Variants in RBFOX1 observed in about 807,000 individuals in gnomAD.
The protein encoded by RBFOX1 is RNA binding fox-1 homolog 1.
RBFOX1 carries 8 observed loss-of-function variants against 57.7 expected under a neutral mutation model. The ratio of observed to expected loss-of-function variants is 0.14; its 90% CI spans 0.08 to 0.25. The LOEUF (loss-of-function observed/expected upper bound fraction) is 0.25, where lower values mean the gene tolerates loss of function less well. RBFOX1 is among the 10% of genes least tolerant of loss of function. The probability of loss-of-function intolerance (pLI) is 1.00; values close to 1 mark genes in which losing one functional copy is unlikely to be tolerated. For synonymous variants in RBFOX1, 326 were observed against 222.4 expected, an observed-to-expected ratio of 1.47 and a Z score of -4.15; for missense variants, 611 against 548.5, an observed-to-expected ratio of 1.11 and a Z score of -1.14.
chr16:7,348,582 A>T (rs2097064091), intron 4 of RBFOX1, among the ~76,000 whole-genome samples: 1 of 152,214 alleles, frequency 6.6e-6, no homozygotes, highest in African/African-American at 2.4e-5. Context: ...ACATTACTTT[A>T]GTCAGTTGGG....
At chr16:6,066,973 G>C (rs1474228711) in intron 1 of RBFOX1, among the ~76,000 whole-genome samples, 1 of 152,134 alleles carries the variant, frequency 6.6e-6, no homozygotes, top group Non-Finnish European at 1.5e-5. Flanking sequence ...GGGCGGGGGA[G>C]GGCGGCAGGG....
At chr16:6,698,378 A>T (rs892810864) in intron 3 of RBFOX1, among the ~76,000 whole-genome samples, 1 of 152,136 alleles carries the variant, frequency 6.6e-6, no homozygotes, top group East Asian at 1.9e-4. Context: ...AGAGAACACA[A>T]TGGATGGTTT....
intron 4 of RBFOX1, among the ~76,000 whole-genome samples, chr16:5,982,154 C>G (rs1295680382): frequency 1.3e-5 from 2 of 152,210 alleles, no homozygotes; most frequent in East Asian, 3.9e-4. Flanking sequence ...CATTGACCCT[C>G]TGACTGCATC....
chr16:5,445,807 T>C (rs940836255), intron 1 of RBFOX1, among the ~76,000 whole-genome samples: 7 of 152,228 alleles, frequency 4.6e-5, no homozygotes, highest in Non-Finnish European at 8.8e-5. Flanking sequence ...TGCTGACCCA[T>C]ACTATATGCT....
chr16:6,853,656 C>A (rs1472159121), intron 3 of RBFOX1, among the ~76,000 whole-genome samples: 1 of 152,112 alleles, frequency 6.6e-6, no homozygotes, highest in East Asian at 1.9e-4. Context: ...ATGCTCTCAG[C>A]CTGTATGGAG....
chr16:6,988,748 TTTG>T (rs1365210199), intron 3 of RBFOX1, among the ~76,000 whole-genome samples: 10 of 22,524 alleles, frequency 4.4e-4, no homozygotes, highest in African/African-American at 1.3e-3. Flanking sequence ...TTTTTGTTTG[TTTG>T]TTTTTTGTTT....
At chr16:6,077,684 T>TTTTGTTTATTTATTTA (rs1555499152) in intron 1 of RBFOX1, among the ~76,000 whole-genome samples, 1 of 142,652 alleles carries the variant, frequency 7.0e-6, no homozygotes, top group Non-Finnish European at 1.5e-5. Context: ...CTTCTTTTAT[T>TTTTGTTTATTTATTTA]TTTACTTATT....
chr16:5,890,150 C>T (rs1205686665), intron 4 of RBFOX1, among the ~76,000 whole-genome samples: 1 of 152,138 alleles, frequency 6.6e-6, no homozygotes, highest in African/African-American at 2.4e-5. Context: ...GGGGATGAGA[C>T]CTGGCTTCAG....
chr16:6,816,574 T>C (rs2154270862), intron 3 of RBFOX1, among the ~76,000 whole-genome samples: 1 of 151,818 alleles, frequency 6.6e-6, no homozygotes, highest in South Asian at 2.1e-4. Context: ...ACCCCGTCTC[T>C]ACTAAAAATA....
intron 3 of RBFOX1, among the ~76,000 whole-genome samples, chr16:7,029,107 C>G (rs62018366): frequency 2.8e-5 from 2 of 70,572 alleles, no homozygotes; most frequent in African/African-American, 6.7e-5. Flanking sequence ...CACACACACA[C>G]ACACACACAC....
intron 3 of RBFOX1, among the ~76,000 whole-genome samples, chr16:6,821,841 A>G (rs554459678): frequency 1.3e-5 from 2 of 152,324 alleles, no homozygotes; most frequent in Non-Finnish European, 2.9e-5. Flanking sequence ...ATGAAGGTGC[A>G]GGCACTTGTC....
At chr16:7,068,878 C>T (rs114224851) in intron 4 of RBFOX1, among the ~76,000 whole-genome samples, 2,271 of 152,316 alleles carry the variant, frequency 0.015, 63 homozygotes, top group African/African-American at 0.051. Flanking sequence ...CATGAGCCAC[C>T]GCGCCCGGCC....
intron 1 of RBFOX1, among the ~76,000 whole-genome samples, chr16:5,329,401 A>G (rs962642701): frequency 6.6e-6 from 1 of 152,028 alleles, no homozygotes; most frequent in Admixed American, 6.6e-5. Context: ...CTTTTAAATA[A>G]CCAGATCTCA....
At chr16:7,097,363 C>G (rs1413714823) in intron 4 of RBFOX1, among the ~76,000 whole-genome samples, 2 of 152,040 alleles carry the variant, frequency 1.3e-5, no homozygotes, top group Non-Finnish European at 1.5e-5. Flanking sequence ...GAATCAGAGC[C>G]TGGTAGATTA....
At chr16:6,123,238 G>A (rs2096565030) in intron 1 of RBFOX1, among the ~76,000 whole-genome samples, 1 of 152,090 alleles carries the variant, frequency 6.6e-6, no homozygotes, top group Non-Finnish European at 1.5e-5. Context: ...ATAGCCAAAA[G>A]GTGGAAACAA....
intron 2 of RBFOX1, among the ~76,000 whole-genome samples, chr16:6,358,716 G>A (rs2087841725): frequency 1.3e-5 from 2 of 152,176 alleles, no homozygotes; most frequent in Admixed American, 6.5e-5. Context: ...GCTAGTAAGA[G>A]GTGAAGCTGG....
rs965556819 is a variant in RBFOX1 at position 5,477,310 on chromosome 16, C to T, written c.258+10056C>T. ...TTCAGGGGAACTGAAAAGTTGCACT[C>T]AATGCGCTGCTACGTTGGCAGATGG... On this transcript the variant is annotated intron_variant, in intron 2 of 2. Transcript: ENST00000585867. Among the ~76,000 whole-genome samples, 10 of 152,280 alleles carry T rather than the reference C, an allele frequency of 6.6e-5. No homozygotes were observed. In the South Asian group the frequency reaches 8.3e-4, roughly 13 times the overall value.
chr16:6,431,907 T>TGC, intron 2 of RBFOX1, among the ~76,000 whole-genome samples: 1 of 110,332 alleles, frequency 9.1e-6, no homozygotes. Context: ...CTTTCTTTCT[T>TGC]TCTTTCTTTC....
At chr16:6,050,748 G>A (rs1400398589) in intron 1 of RBFOX1, among the ~76,000 whole-genome samples, 1 of 151,934 alleles carries the variant, frequency 6.6e-6, no homozygotes, top group African/African-American at 2.4e-5. Flanking sequence ...AGGGGGTATA[G>A]TTTATACAGG....
Sources: gnomAD v4.1 joint callset for allele counts (sites outside exome capture counted in the v4.1 genomes callset) on GRCh38, gnomAD v4.1.1 for gene constraint, MANE v1.5 for transcripts, NCBI Gene and HGNC (gene_info 2026-07-23, HGNC 2026-07-21) for gene names.